The following SPOCK3 variants were observed in gnomAD, a reference collection of about 807,000 sequenced individuals.
SPOCK3 encodes SPARC (osteonectin), cwcv and kazal like domains proteoglycan 3, also known as testican-3.
In SPOCK3, 30 loss-of-function variants were observed where a neutral mutation model predicts 56.6. The observed-to-expected ratio is 0.53, with a 90% CI of 0.40 to 0.72. SPOCK3 has a LOEUF of 0.72. Ranked by LOEUF, SPOCK3 falls within the 30% of genes least tolerant of loss-of-function variation. The pLI is 0.00. For synonymous variants in SPOCK3, 196 were observed against 183.3 expected (o/e 1.07, Z -0.56); for missense variants, 527 against 530.0 (o/e 0.99, Z 0.06).
At chr4:166,746,366 C>T (rs1300944442) in intron 8 of SPOCK3, among the ~76,000 whole-genome samples, 1 of 152,182 alleles carries the variant, frequency 6.6e-6, no homozygotes, top group East Asian at 1.9e-4. Flanking sequence ...TACATGGAAA[C>T]TGAACAACCT....
chr4:167,036,021 G>A (rs566313206), intron 3 of SPOCK3, among the ~76,000 whole-genome samples: 5 of 152,236 alleles, frequency 3.3e-5, no homozygotes, highest in Admixed American at 1.3e-4. Flanking sequence ...TCCGCTGAAC[G>A]CAGCTCCCAA....
intron 4 of SPOCK3, among the ~76,000 whole-genome samples, chr4:166,952,129 G>C (rs1444226368): frequency 2.0e-5 from 3 of 152,158 alleles, no homozygotes; most frequent in African/African-American, 4.8e-5. Flanking sequence ...ATTAGGAAAA[G>C]AGGTAGTCAA....
intron 4 of SPOCK3, among the ~76,000 whole-genome samples, chr4:166,948,073 C>T (rs1742005474): frequency 6.6e-6 from 1 of 152,134 alleles, no homozygotes; most frequent in Non-Finnish European, 1.5e-5. Flanking sequence ...CTCCTATGGG[C>T]TCAACTTTTT....
intron 2 of SPOCK3, among the ~76,000 whole-genome samples, chr4:167,173,402 G>A (rs1195936126): frequency 1.3e-5 from 2 of 151,966 alleles, no homozygotes; most frequent in Non-Finnish European, 2.9e-5. Flanking sequence ...CTCGTAGTTT[G>A]AGGCTGTATT....
chr4:166,773,758 C>T (rs1389114650), intron 7 of SPOCK3, among the ~76,000 whole-genome samples: 2 of 152,108 alleles, frequency 1.3e-5, no homozygotes, highest in South Asian at 2.1e-4. Flanking sequence ...ATCTCTAATC[C>T]ACCTACCTCA....
chr4:166,946,725 CT>C (rs1267395707), intron 4 of SPOCK3, among the ~76,000 whole-genome samples: 2 of 152,168 alleles, frequency 1.3e-5, no homozygotes, highest in Non-Finnish European at 2.9e-5. Context: ...ATCCTAGTTA[CT>C]TTGTGAATAC....
chr4:166,893,544 A>C (rs987825920), intron 5 of SPOCK3, among the ~76,000 whole-genome samples: 1 of 152,090 alleles, frequency 6.6e-6, no homozygotes, highest in Non-Finnish European at 1.5e-5. Context: ...TTTTACAATA[A>C]ATTTTTCAAG....
intron 2 of SPOCK3, chr4:167,119,729 A>G: frequency 8.8e-7 from 1 of 1,135,248 alleles, no homozygotes; most frequent in Non-Finnish European, 1.3e-6. Context: ...CGTTATGTCT[A>G]TAACATAATG....
In SPOCK3 at chr4:167,234,431, C is replaced by T. The variant is rs533607058; in HGVS notation, c.-1+19G>A. ...CGCAGCAGCCCGAGCGGGCACAAAA[C>T]CGCTTCCTGGCACATCACCTTGTTG... On this transcript the variant is annotated intron_variant, in intron 1 of 10. Transcript: ENST00000357545. 13 of 563,676 alleles carry T rather than the reference C, an allele frequency of 2.3e-5. No homozygotes were observed. In the East Asian group the frequency reaches 3.8e-4, roughly 17 times the overall value. 34.9% of individuals were successfully genotyped at this position (563,676 alleles called of 1,614,324 possible).
intron 2 of SPOCK3, among the ~76,000 whole-genome samples, chr4:167,134,949 T>G (rs1364965986): frequency 6.6e-6 from 1 of 151,994 alleles, no homozygotes; most frequent in African/African-American, 2.4e-5. Flanking sequence ...TTCCCAGTTC[T>G]ATTTAGAGTT....
rs72697563 is a variant in SPOCK3 at position 166,934,209 on chromosome 4, G to A, written c.351-21466C>T. ...ACATACATAAGAAAATAAAAGTCAC[G>A]GCCGGGCGCAGTGGCTCACACCTGT... On this transcript the variant is annotated intron_variant, in intron 4 of 10. Transcript: ENST00000357545. Among the ~76,000 whole-genome samples, 605 of 152,084 alleles carry A rather than the reference G, an allele frequency of 4.0e-3. 3 individuals are homozygous for A. Among genetic ancestry groups the A allele is most frequent in the Non-Finnish European group, 4.4e-3 (300 of 67,966 alleles).
chr4:167,125,725 A>C (rs987144767), intron 2 of SPOCK3, among the ~76,000 whole-genome samples: 4 of 152,134 alleles, frequency 2.6e-5, no homozygotes, highest in Non-Finnish European at 5.9e-5. Flanking sequence ...AAAAAAATAA[A>C]TAAATAAAAA....
intron 6 of SPOCK3, among the ~76,000 whole-genome samples, chr4:166,872,384 T>C (rs569082341): frequency 1.3e-5 from 2 of 152,220 alleles, no homozygotes; most frequent in East Asian, 1.9e-4. Context: ...GGATATAAAG[T>C]GAGCCTCCTA....
intron 2 of SPOCK3, among the ~76,000 whole-genome samples, chr4:167,132,204 T>C (rs1762761686): frequency 6.6e-6 from 1 of 152,234 alleles, no homozygotes; most frequent in African/African-American, 2.4e-5. Flanking sequence ...ATTCAACCAA[T>C]ACAAACACAA....
At chr4:167,116,651 CACATATAT>C (rs1485382629) in intron 2 of SPOCK3, among the ~76,000 whole-genome samples, 190 of 81,288 alleles carry the variant, frequency 2.3e-3, no homozygotes, top group Admixed American at 7.0e-3. Flanking sequence ...TATATATATA[CACATATAT>C]ACGTATATAG....
chr4:166,929,730 C>A (rs1046650999), intron 4 of SPOCK3, among the ~76,000 whole-genome samples: 1 of 152,094 alleles, frequency 6.6e-6, no homozygotes, highest in Non-Finnish European at 1.5e-5. Flanking sequence ...CCTTGCTCAA[C>A]TGGAAGATAC....
chr4:166,902,563 C>T lies in SPOCK3; in HGVS notation c.474+10057G>A, dbSNP rs548195282. Among the ~76,000 whole-genome samples, 26 of 151,682 alleles carry T rather than the reference C, an allele frequency of 1.7e-4. 1 individual carries two copies. The Middle Eastern group carries it at 0.022, about 126-fold the overall frequency. ...CTTTTTGGGTTATTTTTCAGAAATA[C>T]GTATGTGTATACATGTACATAAATA... On this transcript the variant is annotated intron_variant, in intron 5 of 10. Coordinates refer to ENST00000357545, the MANE Select transcript of SPOCK3 (RefSeq NM_001040159.2).
chr4:166,945,520 C>G (rs1741618088), intron 4 of SPOCK3, among the ~76,000 whole-genome samples: 1 of 152,120 alleles, frequency 6.6e-6, no homozygotes, highest in East Asian at 1.9e-4. Context: ...CATATAGATT[C>G]TGCCTACAGC....
chr4:166,945,109 T>C (rs1351511256), intron 4 of SPOCK3, among the ~76,000 whole-genome samples: 1 of 152,162 alleles, frequency 6.6e-6, no homozygotes, highest in Non-Finnish European at 1.5e-5. Flanking sequence ...TTGGCTCATG[T>C]TGTTAACTTT....
Sources: gnomAD v4.1 joint callset for allele counts (sites outside exome capture counted in the v4.1 genomes callset) on GRCh38, gnomAD v4.1.1 for gene constraint, MANE v1.5 for transcripts, NCBI Gene and HGNC (gene_info 2026-07-23, HGNC 2026-07-21) for gene names.